PCDH15: variants seen among roughly 807,000 people sequenced by gnomAD.
PCDH15 encodes the protein protocadherin related 15.
In PCDH15, 129 loss-of-function variants were observed where a neutral mutation model predicts 178.5. The ratio of observed to expected loss-of-function variants is 0.72; its 90% CI spans 0.63 to 0.84. The LOEUF is 0.84. PCDH15 is among the 40% of genes least tolerant of loss of function. The pLI, the probability that PCDH15 is intolerant of heterozygous loss-of-function variation, is 0.00. For synonymous variants in PCDH15, 800 were observed against 732.0 expected, an observed-to-expected ratio of 1.09 and a Z score of -1.50; for missense variants, 2,230 against 2,099.9, an observed-to-expected ratio of 1.06 and a Z score of -1.21.
chr10:55,014,986 C>T (rs1279022380), intron 2 of PCDH15, among the ~76,000 whole-genome samples: 5 of 151,942 alleles, frequency 3.3e-5, no homozygotes, highest in South Asian at 2.1e-4. Context: ...TTTGGGAGGC[C>T]GAGGCGGGCA....
At chr10:54,143,155 T>C (rs2043563024) in intron 14 of PCDH15, among the ~76,000 whole-genome samples, 1 of 152,164 alleles carries the variant, frequency 6.6e-6, no homozygotes, top group Non-Finnish European at 1.5e-5. Context: ...GCAGGAGATA[T>C]TGTCAAATCT....
At chr10:54,791,502 T>C (rs1951406378) in intron 1 of PCDH15, among the ~76,000 whole-genome samples, 1 of 151,924 alleles carries the variant, frequency 6.6e-6, no homozygotes, top group African/African-American at 2.4e-5. Flanking sequence ...TTTCTTAAAA[T>C]TTATATCCAG....
chr10:53,854,209 T>G lies in PCDH15; in HGVS notation c.3806+2966A>C, dbSNP rs542178618. Among the ~76,000 whole-genome samples the G allele has an allele frequency of 1.4e-3, 211 of 152,014 alleles. 1 individual carries two copies. The highest frequency in any genetic ancestry group is 4.7e-3 in the African/African-American group (196 of 41,528). ...CACTTTTATGATGTATTTAAAGTAG[T>G]AAAATTTATACATGTAGGAAGACAA... On this transcript the variant is annotated intron_variant, in intron 28 of 37. Transcript: ENST00000644397.
At chr10:53,883,801 C>T (rs573078320) in intron 26 of PCDH15, among the ~76,000 whole-genome samples, 6 of 152,122 alleles carry the variant, frequency 3.9e-5, no homozygotes, top group African/African-American at 9.7e-5. Context: ...CCACCACCTC[C>T]GCCTCCCAGG....
intron 1 of PCDH15, among the ~76,000 whole-genome samples, chr10:55,239,841 A>G (rs959571018): frequency 6.6e-6 from 1 of 152,250 alleles, no homozygotes; most frequent in African/African-American, 2.4e-5. Flanking sequence ...TCTAATAGGA[A>G]AAAATAAAAT....
At chr10:55,147,760 A>C (rs556992516) in intron 2 of PCDH15, among the ~76,000 whole-genome samples, 29 of 151,368 alleles carry the variant, frequency 1.9e-4, no homozygotes, top group Admixed American at 1.5e-3. Flanking sequence ...GTGCTGCACC[A>C]ATTAACTCGT....
chr10:54,951,770 A>G (rs895895076), intron 2 of PCDH15, among the ~76,000 whole-genome samples: 3 of 151,884 alleles, frequency 2.0e-5, no homozygotes, highest in Admixed American at 2.0e-4. Flanking sequence ...AAACAGAGGT[A>G]TCTCAGATTT....
At chr10:55,557,257 G>C (rs1289471282) in intron 2 of PCDH15, among the ~76,000 whole-genome samples, 1 of 152,068 alleles carries the variant, frequency 6.6e-6, no homozygotes, top group Non-Finnish European at 1.5e-5. Context: ...TAAGCAGATT[G>C]ATCTGTAAAC....
At chr10:54,522,670 G>A (rs530705912) in intron 3 of PCDH15, among the ~76,000 whole-genome samples, 1 of 152,012 alleles carries the variant, frequency 6.6e-6, no homozygotes, top group Non-Finnish European at 1.5e-5. Context: ...CTGATGCATC[G>A]CCAGTACCAG....
intron 2 of PCDH15, among the ~76,000 whole-genome samples, chr10:55,430,126 C>CA (rs1838848648): frequency 6.6e-6 from 1 of 151,902 alleles, no homozygotes; most frequent in Non-Finnish European, 1.5e-5. Flanking sequence ...CTTATCTCTA[C>CA]AAAAAATAAA....
chr10:55,405,908 G>C (rs1000661067), intron 2 of PCDH15, among the ~76,000 whole-genome samples: 1 of 151,768 alleles, frequency 6.6e-6, no homozygotes, highest in African/African-American at 2.4e-5. Flanking sequence ...ATCCAGGTAA[G>C]TTTAATAGGG....
chr10:54,820,053 A>G (rs1016211298), intron 3 of PCDH15, among the ~76,000 whole-genome samples: 1 of 152,090 alleles, frequency 6.6e-6, no homozygotes, highest in African/African-American at 2.4e-5. Flanking sequence ...ATCATTATCA[A>G]AGTGTATTAT....
intron 3 of PCDH15, among the ~76,000 whole-genome samples, chr10:54,503,705 T>C (rs1227412903): frequency 6.6e-6 from 1 of 151,972 alleles, no homozygotes; most frequent in Non-Finnish European, 1.5e-5. Flanking sequence ...ATACTTGACA[T>C]TGAAAGTTAA....
intron 1 of PCDH15, among the ~76,000 whole-genome samples, chr10:54,737,444 C>G (rs942601010): frequency 3.3e-5 from 5 of 151,966 alleles, no homozygotes; most frequent in African/African-American, 4.8e-5. Context: ...AGTGAATGCT[C>G]ACAATATAGG....
chr10:55,604,227 G>A (rs1344327839), intron 2 of PCDH15, among the ~76,000 whole-genome samples: 1 of 92,928 alleles, frequency 1.1e-5, no homozygotes, highest in Non-Finnish European at 2.1e-5. Context: ...CAATACAGGA[G>A]CACCCAGATT....
intron 1 of PCDH15, among the ~76,000 whole-genome samples, chr10:55,179,516 C>T (rs774952027): frequency 6.6e-5 from 10 of 151,824 alleles, no homozygotes; most frequent in Admixed American, 3.3e-4. Flanking sequence ...AAACTTTTTC[C>T]AAGCCTGCTC....
intron 28 of PCDH15, among the ~76,000 whole-genome samples, chr10:53,842,840 A>G (rs1299175381): frequency 1.3e-5 from 2 of 152,192 alleles, no homozygotes; most frequent in Non-Finnish European, 2.9e-5. Flanking sequence ...AATGCAATAG[A>G]TGGCTCTCTG....
intron 3 of PCDH15, among the ~76,000 whole-genome samples, chr10:54,388,188 G>T (rs1166131209): frequency 6.6e-6 from 1 of 152,142 alleles, no homozygotes; most frequent in Non-Finnish European, 1.5e-5. Context: ...TCCCCCACAA[G>T]TATGGAAAGT....
chr10:55,379,346 G>C (rs536604549), intron 2 of PCDH15, among the ~76,000 whole-genome samples: 81 of 151,586 alleles, frequency 5.3e-4, no homozygotes, highest in African/African-American at 1.9e-3. Flanking sequence ...CTATGGGTAA[G>C]AAAATAATTA....
Sources: gnomAD v4.1 joint callset for allele counts (sites outside exome capture counted in the v4.1 genomes callset) on GRCh38, gnomAD v4.1.1 for gene constraint, MANE v1.5 for transcripts, NCBI Gene and HGNC (gene_info 2026-07-23, HGNC 2026-07-21) for gene names.